The following CNTNAP2 variants were observed in gnomAD, a reference collection of about 807,000 sequenced individuals.
CNTNAP2 encodes the protein contactin associated protein 2.
A neutral mutation model predicts 155.2 loss-of-function variants in CNTNAP2; 98 were observed. The observed-to-expected ratio is 0.63, with a 90% CI of 0.54 to 0.75. CNTNAP2 has a LOEUF of 0.75. CNTNAP2 is among the 30% of genes least tolerant of loss of function. CNTNAP2 has a pLI of 0.00. For synonymous variants in CNTNAP2, 651 were observed against 631.2 expected (o/e 1.03, Z -0.47); for missense variants, 1,727 against 1,688.1 (o/e 1.02, Z -0.40).
At chr7:147,560,189 A>AAAAAAAAAAAAAAAAAAAAC in intron 11 of CNTNAP2, among the ~76,000 whole-genome samples, 1 of 150,634 alleles carries the variant, frequency 6.6e-6, no homozygotes, top group Non-Finnish European at 1.5e-5. Flanking sequence ...AAAAAAAAAA[A>AAAAAAAAAAAAAAAAAAAAC]AATTGAATCA....
intron 1 of CNTNAP2, among the ~76,000 whole-genome samples, chr7:146,273,722 G>A (rs2129083751): frequency 6.6e-6 from 1 of 152,176 alleles, no homozygotes; most frequent in South Asian, 2.1e-4. Flanking sequence ...CAGAACAAGG[G>A]AAAGAACACC....
chr7:146,153,614 A>G (rs762339681), intron 1 of CNTNAP2, among the ~76,000 whole-genome samples: 20 of 152,162 alleles, frequency 1.3e-4, no homozygotes, highest in Non-Finnish European at 2.8e-4. Flanking sequence ...GATTTGCTCT[A>G]TCTCATATGG....
At chr7:148,255,534 T>C (rs1234540284) in intron 20 of CNTNAP2, among the ~76,000 whole-genome samples, 1 of 152,246 alleles carries the variant, frequency 6.6e-6, no homozygotes, top group Admixed American at 6.5e-5. Flanking sequence ...GTGTGAAAGC[T>C]AATTTTTTCT....
chr7:148,356,991 G>A (rs769116437), intron 21 of CNTNAP2, among the ~76,000 whole-genome samples: 15 of 152,028 alleles, frequency 9.9e-5, no homozygotes, highest in African/African-American at 2.9e-4. Context: ...GAGGCCCTGC[G>A]TGATATATAC....
chr7:147,907,201 C>A (rs980360056), intron 14 of CNTNAP2, among the ~76,000 whole-genome samples: 4 of 151,952 alleles, frequency 2.6e-5, no homozygotes, highest in African/African-American at 9.7e-5. Flanking sequence ...GGACTACAGG[C>A]GCCCACCACC....
chr7:148,021,190 G>A (rs202114697), intron 15 of CNTNAP2, among the ~76,000 whole-genome samples: 1,520 of 93,730 alleles, frequency 0.016, 28 homozygotes, highest in African/African-American at 0.092. Flanking sequence ...GAGGTTTTTT[G>A]TTTTTGTTTT....
At chr7:146,558,405 T>C (rs1386840635) in intron 1 of CNTNAP2, among the ~76,000 whole-genome samples, 2 of 152,258 alleles carry the variant, frequency 1.3e-5, no homozygotes, top group Non-Finnish European at 2.9e-5. Flanking sequence ...ATCTGGCATG[T>C]ACTTTTTTTT....
intron 14 of CNTNAP2, among the ~76,000 whole-genome samples, chr7:147,929,073 C>A (rs1185434989): frequency 5.9e-5 from 3 of 50,682 alleles, no homozygotes; most frequent in African/African-American, 2.4e-4. Flanking sequence ...GCCGGGGCAA[C>A]AAGAACGAAA....
At chr7:147,502,098 A>T (rs1199283361) in intron 11 of CNTNAP2, among the ~76,000 whole-genome samples, 1 of 152,192 alleles carries the variant, frequency 6.6e-6, no homozygotes, top group Non-Finnish European at 1.5e-5. Flanking sequence ...AAGATAACCC[A>T]TGTTCTCAGA....
chr7:146,548,328 T>C (rs1798061453), intron 1 of CNTNAP2, among the ~76,000 whole-genome samples: 1 of 152,048 alleles, frequency 6.6e-6, no homozygotes, highest in East Asian at 1.9e-4. Flanking sequence ...TAGTATTCCT[T>C]GGTGTATGTG....
intron 14 of CNTNAP2, among the ~76,000 whole-genome samples, chr7:147,925,696 C>T (rs1475747284): frequency 1.3e-5 from 2 of 152,122 alleles, no homozygotes; most frequent in African/African-American, 4.8e-5. Context: ...CTCCTGACCT[C>T]GTGATCCACC....
intron 8 of CNTNAP2, among the ~76,000 whole-genome samples, chr7:147,250,919 T>C (rs2116658517): frequency 6.6e-6 from 1 of 152,304 alleles, no homozygotes; most frequent in African/African-American, 2.4e-5. Flanking sequence ...ATGTTTTCTC[T>C]TGAGCTTCTC....
At chr7:147,584,841 G>A (rs1027672653) in intron 12 of CNTNAP2, among the ~76,000 whole-genome samples, 2 of 152,110 alleles carry the variant, frequency 1.3e-5, no homozygotes, top group African/African-American at 2.4e-5. Flanking sequence ...TGCTGAGGTG[G>A]CCTCTTGGGG....
chr7:147,958,545 A>T (rs56110307), intron 14 of CNTNAP2, among the ~76,000 whole-genome samples: 20 of 152,198 alleles, frequency 1.3e-4, no homozygotes, highest in African/African-American at 4.6e-4. Flanking sequence ...GTTTATATTG[A>T]TTTTATGGTA....
chr7:148,027,022 A>G (rs1382397046), intron 15 of CNTNAP2, among the ~76,000 whole-genome samples: 6 of 152,204 alleles, frequency 3.9e-5, no homozygotes, highest in Non-Finnish European at 7.3e-5. Context: ...TGCAAAATAT[A>G]GAGCAGTTTC....
At chr7:146,283,229 A>G (rs998582240) in intron 1 of CNTNAP2, among the ~76,000 whole-genome samples, 2 of 152,246 alleles carry the variant, frequency 1.3e-5, no homozygotes, top group Non-Finnish European at 2.9e-5. Context: ...TAAAAACATC[A>G]AATATACCTT....
At chr7:146,476,886 A>G (rs535451608) in intron 1 of CNTNAP2, among the ~76,000 whole-genome samples, 1 of 152,330 alleles carries the variant, frequency 6.6e-6, no homozygotes, top group South Asian at 2.1e-4. Flanking sequence ...AACTATGGCT[A>G]CGCATACACT....
chr7:148,261,947 C>T (rs761671913), intron 20 of CNTNAP2, among the ~76,000 whole-genome samples: 2 of 152,200 alleles, frequency 1.3e-5, no homozygotes, highest in Non-Finnish European at 2.9e-5. Context: ...GAAAGCTTGA[C>T]ATTGTGCTCA....
rs1316738247 is a variant in CNTNAP2 at position 146,947,065 on chromosome 7, G to T, written c.403-96842G>T. 2.0e-5 allele frequency among the ~76,000 whole-genome samples: 3 copies of T among 151,804 alleles called. No individual in the cohort carries two copies. The South Asian group carries it at 6.2e-4, about 32-fold the overall frequency. ...TTTATTTTTGAGATGGAGTTTCACT[G>T]TTGTTGCCCAGGTTGGAGTGCAGTG... On this transcript the variant is annotated intron_variant, in intron 3 of 23. Coordinates refer to ENST00000361727, the MANE Select transcript of CNTNAP2 (RefSeq NM_014141.6).
Sources: allele counts gnomAD v4.1 joint callset (sites outside exome capture counted in the v4.1 genomes callset), GRCh38; gene constraint gnomAD v4.1.1; transcripts MANE v1.5; gene names NCBI Gene and HGNC (gene_info 2026-07-23, HGNC 2026-07-21).